Variants in OPHN1 observed in about 807,000 individuals in gnomAD.
OPHN1 encodes oligophrenin 1.
In OPHN1, 11 loss-of-function variants were observed where a neutral mutation model predicts 60.7. That is an observed-to-expected ratio of 0.18 (90% CI 0.11 to 0.30). OPHN1 has a LOEUF of 0.30. Among genes scored for constraint, OPHN1 ranks in the 10% least tolerant of loss-of-function variants. The pLI is 1.00. For synonymous variants in OPHN1, 226 were observed against 222.6 expected (o/e 1.02, Z -0.14); for missense variants, 449 against 611.0 (o/e 0.73, Z 2.80).
Position 68,299,087 on chromosome X carries a change from G to A in OPHN1, c.164C>T (p.Ser55Phe). The change falls in exon 3 of 25, where the codon TCT becomes TTT. Residue 55 changes from serine to phenylalanine, a missense_variant. By Grantham distance (155) the Ser-to-Phe change is radical. Coordinates refer to ENST00000355520, the MANE Select transcript of OPHN1 (RefSeq NM_002547.3). ...ALISAMRNYS[S>F]AVQKFSQTLQ... The stretch of plus-strand genomic sequence containing the variant: ...CGTCTGGGAAAATTTCTGAACAGCA[G>A]AAGAATAATCTGCAAAGGAAGGGTA... The A allele has an allele frequency of 1.7e-6, 2 of 1,162,838 alleles. No individual in the cohort carries two copies. The highest frequency in any genetic ancestry group is 2.3e-6 in the Non-Finnish European group (2 of 854,657).
chrX:68,222,809 G>A (rs1479439496), intron 6 of OPHN1, among the ~76,000 whole-genome samples: 2 of 77,151 alleles, frequency 2.6e-5, no homozygotes, highest in African/African-American at 4.8e-5. Flanking sequence ...GGATAGCATC[G>A]GCAGATATAC....
In OPHN1 at chrX:68,064,152, A is replaced by T. The variant is rs1438903400; in HGVS notation, c.1860T>A (p.Asn620Lys). The change falls in exon 21 of 25, where the codon AAT (asparagine) becomes AAA (lysine). Residue 620 changes from asparagine to lysine, a missense_variant. By Grantham distance (94) the Asn-to-Lys change is moderately conservative. Transcript: ENST00000355520. ...SEDEIQHQTP[N>K]GTITSSIEPP... ...GTTCTATGCTGCTGGTGATAGTACCATTCGGTGTTTGATGTTGGATTTCAT... is the reference window on the plus strand; with the variant it reads ...GTTCTATGCTGCTGGTGATAGTACCTTTCGGTGTTTGATGTTGGATTTCAT... The T allele has an allele frequency of 8.3e-7, 1 of 1,209,210 alleles. No homozygotes were observed. The highest frequency in any genetic ancestry group is 1.1e-6 in the Non-Finnish European group (1 of 894,964).
intron 6 of OPHN1, among the ~76,000 whole-genome samples, chrX:68,217,701 G>T (rs1166021641): frequency 9.1e-6 from 1 of 110,466 alleles, no homozygotes; most frequent in Non-Finnish European, 1.9e-5. Context: ...TACTCCAACA[G>T]ACCTGCAGCT....
chrX:68,203,781 G>A (rs1046076058), intron 10 of OPHN1, among the ~76,000 whole-genome samples: 1 of 111,483 alleles, frequency 9.0e-6, no homozygotes, highest in South Asian at 3.7e-4. Context: ...TATATTAATC[G>A]CTCCACCCAA....
At chrX:68,211,919 A>G (rs1468542467) in intron 8 of OPHN1, among the ~76,000 whole-genome samples, 189 bp downstream of exon 8, 1 of 112,112 alleles carries the variant, frequency 8.9e-6, no homozygotes, top group Non-Finnish European at 1.9e-5. Flanking sequence ...GTCAGCCTCA[A>G]AAACAGGAAA....
At chrX:68,047,924 T>C (rs1289131946) in intron 24 of OPHN1, among the ~76,000 whole-genome samples, 1 of 112,201 alleles carries the variant, frequency 8.9e-6, no homozygotes, top group Non-Finnish European at 1.9e-5. Context: ...TGGGTAAGAC[T>C]GAAATAATGA....
At chrX:68,084,277 A>T (rs1291681761) in intron 19 of OPHN1, among the ~76,000 whole-genome samples, 1 of 97,243 alleles carries the variant, frequency 1.0e-5, no homozygotes, top group Admixed American at 1.1e-4. Context: ...AAGAACTTAA[A>T]CCTATGTTTC....
At chrX:68,202,629 A>G (rs2077540026) in intron 10 of OPHN1, among the ~76,000 whole-genome samples, 1 of 109,423 alleles carries the variant, frequency 9.1e-6, no homozygotes, top group African/African-American at 3.3e-5. Context: ...CCTCCTGAGT[A>G]GCTGGGATTA....
chrX:68,429,189 AG>A (rs1207943679), intron 2 of OPHN1, among the ~76,000 whole-genome samples: 10 of 110,483 alleles, frequency 9.1e-5, no homozygotes, highest in African/African-American at 2.3e-4. Flanking sequence ...TGGGAGGCCA[AG>A]GGGGGGCGGA....
intron 6 of OPHN1, among the ~76,000 whole-genome samples, chrX:68,216,430 AAGAT>A (rs1390918988): frequency 3.6e-5 from 4 of 111,070 alleles, no homozygotes; most frequent in Admixed American, 2.9e-4. Context: ...AAAAAATTAA[AAGAT>A]AGACTGTCAT....
chrX:68,275,430 A>G (rs1003573992), intron 4 of OPHN1, among the ~76,000 whole-genome samples: 2 of 111,541 alleles, frequency 1.8e-5, no homozygotes, highest in Admixed American at 1.9e-4. Context: ...TCAAAATCAA[A>G]GAAGACCCCT....
chrX:68,247,536 A>G (rs2077812311), intron 5 of OPHN1, among the ~76,000 whole-genome samples: 1 of 111,348 alleles, frequency 9.0e-6, no homozygotes, highest in African/African-American at 3.3e-5. Flanking sequence ...TGCATCCCAA[A>G]AGCCCAATAT....
At chrX:68,317,363 GAAA>G (rs1569278069) in intron 2 of OPHN1, among the ~76,000 whole-genome samples, 47 of 68,745 alleles carry the variant, frequency 6.8e-4, no homozygotes, top group African/African-American at 2.9e-3. Context: ...AAGAAAGAAA[GAAA>G]GAAAGAAAGA....
chrX:68,299,776 T>C (rs1483661621), intron 2 of OPHN1, among the ~76,000 whole-genome samples: 1 of 112,064 alleles, frequency 8.9e-6, no homozygotes, highest in Non-Finnish European at 1.9e-5. Flanking sequence ...AATTTTAGAA[T>C]ATATTTTAGT....
At position 68,272,864 on chromosome X, in the gene OPHN1, A is replaced by G. The variant is rs537366805; in HGVS notation, c.384+1874T>C. Among the ~76,000 whole-genome samples the G allele has an allele frequency of 1.7e-3, 195 of 112,776 alleles. 1 individual carries two copies. Among genetic ancestry groups the G allele is most frequent in the African/African-American group, 5.9e-3 (183 of 31,089 alleles). The stretch of plus-strand genomic sequence containing the variant: ...GTTATTCTTATAAGGGAATGAAAGT[A>G]AATCAAATTGTTTCACAAGTGGTTA... On this transcript the variant is annotated intron_variant, in intron 5 of 24. Transcript: ENST00000355520.
chrX:68,186,069 G>A (rs893294299), intron 15 of OPHN1, among the ~76,000 whole-genome samples: 1 of 111,129 alleles, frequency 9.0e-6, no homozygotes, highest in Non-Finnish European at 1.9e-5. Context: ...TGCCAGTGAG[G>A]ATCAACAGAA....
At chrX:68,154,350 G>T (rs747561860) in intron 15 of OPHN1, among the ~76,000 whole-genome samples, 2 of 112,449 alleles carry the variant, frequency 1.8e-5, no homozygotes, top group African/African-American at 6.5e-5. Flanking sequence ...ACCTATTCAG[G>T]CATGGTGTTG....
chrX:68,219,472 T>A (rs1249398356), intron 6 of OPHN1, among the ~76,000 whole-genome samples: 2 of 108,215 alleles, frequency 1.8e-5, no homozygotes, highest in Non-Finnish European at 3.8e-5. Context: ...ATCAACAGAA[T>A]ATACATTTTT....
intron 2 of OPHN1, among the ~76,000 whole-genome samples, chrX:68,316,201 T>C (rs1219128301): frequency 9.1e-6 from 1 of 110,310 alleles, no homozygotes; most frequent in African/African-American, 3.3e-5. Context: ...GACAGAACCA[T>C]AAGAAGAGAC....
Sources: gnomAD v4.1 joint callset for allele counts (sites outside exome capture counted in the v4.1 genomes callset) on GRCh38, gnomAD v4.1.1 for gene constraint, MANE v1.5 for transcripts, NCBI Gene and HGNC (gene_info 2026-07-23, HGNC 2026-07-21) for gene names.